Variants in LAMA5 observed in about 807,000 individuals in gnomAD.
LAMA5 encodes the protein laminin subunit alpha-5.
LAMA5 carries 260 observed loss-of-function variants against 433.4 expected under a neutral mutation model. The observed-to-expected ratio is 0.60, with a 90% CI of 0.54 to 0.66. The LOEUF (loss-of-function observed/expected upper bound fraction) is 0.66, where lower values mean the gene tolerates loss of function less well. Ranked by LOEUF, LAMA5 falls within the 30% of genes least tolerant of loss-of-function variation. The probability of loss-of-function intolerance (pLI) is 0.00; values close to 1 mark genes in which losing one functional copy is unlikely to be tolerated. For synonymous variants in LAMA5, 2,620 were observed against 2,226.6 expected (o/e 1.18, Z -4.97); for missense variants, 5,378 against 5,258.5 (o/e 1.02, Z -0.70).
chr20:62,346,413 A>G, intron 9 of LAMA5, 93 bp downstream of exon 9: 1 of 1,399,336 alleles, frequency 7.1e-7, no homozygotes, highest in Non-Finnish European at 9.7e-7. Flanking sequence ...GAAGCTCAGG[A>G]CATCCCCTCC....
In LAMA5 at chr20:62,353,249, G is replaced by A; in HGVS notation, c.453C>T (p.Val151=). 1 of 1,592,552 alleles carries A rather than the reference G, an allele frequency of 6.3e-7. No individual in the cohort carries two copies. Among genetic ancestry groups the A allele is most frequent in the East Asian group, 2.3e-5 (1 of 44,022 alleles). Residue 151 remains valine, a splice_region_variant and synonymous_variant, in exon 3 of 80, where the codon GTC becomes GTT. Coordinates refer to ENST00000252999, the MANE Select transcript of LAMA5 (RefSeq NM_005560.6). ...TGATGAGGACGTAGGCCACGTGGAA[G>A]ACCTGTGGGCCGAGAGGGCGTCAGG... ...EVNVTLDLGQ[V]FHVAYVLIKF... is the part of the protein sequence containing the mutation.
In LAMA5 at chr20:62,318,634, C is replaced by T. The variant is rs144109924; in HGVS notation, c.7059G>A (p.Gln2353=). The change falls in exon 53 of 80, where the codon CAG becomes CAA. Residue 2353 remains glutamine (Q), a synonymous_variant. Transcript: ENST00000252999. The stretch of plus-strand genomic sequence containing the variant: ...CCTCCCAGAGGCTGCTCAGCTGCTC[C>T]TGCACCCGGGCCAGCACTAGCCGAG... ...AAAQRLLARV[Q]EQLSSLWEEN... 7.0e-3 allele frequency: 11,321 copies of T among 1,610,452 alleles called. 45 individuals are homozygous for T. Among genetic ancestry groups the T allele is most frequent in the Non-Finnish European group, 8.5e-3 (10,034 of 1,178,948 alleles).
intron 3 of LAMA5, 179 bp downstream of exon 3, chr20:62,352,955 G>C: frequency 1.8e-6 from 1 of 542,322 alleles, no homozygotes; most frequent in South Asian, 2.5e-5. Flanking sequence ...CCCGACGCCA[G>C]GGACAGGAGC....
At chr20:62,318,702 G>T in intron 52 of LAMA5, 52 bp from the exon 53 acceptor site, 3 of 1,590,290 alleles carry the variant, frequency 1.9e-6, no homozygotes, top group Admixed American at 3.4e-5. Flanking sequence ...GCCCCTTCAT[G>T]ACCCCTGGTC....
intron 58 of LAMA5, 41 bp from the exon 59 acceptor site, chr20:62,315,248 G>A: frequency 6.5e-7 from 1 of 1,531,600 alleles, no homozygotes; most frequent in Non-Finnish European, 8.8e-7. Flanking sequence ...GGCCAGCGGG[G>A]ACCATCCTGG....
chr20:62,338,222 C>T lies in LAMA5; in HGVS notation c.1756+10G>A. 6.3e-7 allele frequency: 1 copy of T among 1,587,290 alleles called. No homozygotes were observed. Among genetic ancestry groups the T allele is most frequent in the Non-Finnish European group, 8.6e-7 (1 of 1,164,940 alleles). ...CCCTACCCACGCCCACGTGGAGAGG[C>T]ACCACTCACACTGGCAGAGAGGGAA... On this transcript the variant is annotated intron_variant, in intron 13 of 79. Coordinates refer to ENST00000252999, the MANE Select transcript of LAMA5 (RefSeq NM_005560.6).
chr20:62,317,379 G>C lies in LAMA5; in HGVS notation c.7477C>G (p.Gln2493Glu), dbSNP rs1987059726. ...RLVEAAEAHA[Q>E]QLGQLALNLS... The stretch of plus-strand genomic sequence containing the variant: ...TTGAGTGCCAGCTGGCCCAGCTGCT[G>C]TGCGTGGGCCTCGGCGGCCTCCACT... The change falls in exon 55 of 80, where the codon CAG (glutamine) becomes GAG (glutamate). Residue 2493 changes from glutamine to glutamate, a missense_variant. Transcript: ENST00000252999. The C allele has an allele frequency of 1.9e-6, 3 of 1,609,696 alleles. No individual in the cohort carries two copies. The African/African-American group carries it at 4.0e-5, about 21-fold the overall frequency.
In LAMA5 at chr20:62,338,021, C is replaced by T; in HGVS notation, c.1886G>A (p.Cys629Tyr). 1 of 1,596,598 alleles carries T rather than the reference C, an allele frequency of 6.3e-7. No individual in the cohort carries two copies. The highest frequency in any genetic ancestry group is 8.6e-7 in the Non-Finnish European group (1 of 1,169,470). ...TGCCCTGACCCTCTGCTCACCTTGG[C>T]AGTTGGGGAAACCATGGTAGCCAGG... ...CRPGYHGFPN[C>Y]QACTCDPRGA... is the part of the protein sequence containing the mutation. Residue 629 changes from cysteine (C) to tyrosine (Y), a missense_variant, in exon 14 of 80, where the codon TGC becomes TAC. Transcript: ENST00000252999.
chr20:62,334,462 G>GAT, intron 21 of LAMA5, 60 bp downstream of exon 21: 1 of 1,516,722 alleles, frequency 6.6e-7, no homozygotes. Flanking sequence ...GACACGGAGA[G>GAT]GCCCGGAGGA....
intron 1 of LAMA5, among the ~76,000 whole-genome samples, chr20:62,365,511 G>A (rs533567240): frequency 2.8e-3 from 424 of 152,324 alleles, no homozygotes; most frequent in Middle Eastern, 6.8e-3. Flanking sequence ...CTGTGGGGGG[G>A]TGGTCTGAGG....
chr20:62,355,343 G>A (rs1029869599), intron 2 of LAMA5: 1 of 152,384 alleles, frequency 6.6e-6, no homozygotes, highest in Non-Finnish European at 1.5e-5. Flanking sequence ...GGGAGAGTGG[G>A]GTCCCCCAGA....
rs1288275319 is a variant in LAMA5, at chr20:62,333,847, G to GTGGGGTGGGGTGGGT, written c.2878+53_2878+54insACCCACCCCACCCCA. 4.8e-6 allele frequency: 7 copies of GTGGGGTGGGGTGGGT among 1,471,656 alleles called. No homozygotes were observed. In the African/African-American group the frequency reaches 8.3e-5, roughly 18 times the overall value. The allele number at this position is 1,471,656 out of a possible 1,614,324, so 91.2% of individuals were successfully genotyped here. A position where few individuals can be genotyped will look rare whatever the true frequency, so the allele number is the denominator to read the frequency against. On this transcript the variant is annotated intron_variant, in intron 23 of 79. Transcript: ENST00000252999. ...TGGCGGGGCTTGGGAGTGGGGTGGG[G>GTGGGGTGGGGTGGGT]TGGGGTGGGCTGGGCTGGTGGGGCA... is the stretch of plus-strand genomic sequence containing the variant.
rs537300748 is a variant in LAMA5 at position 62,361,845 on chromosome 20, G to A, written c.450+555C>T. Among the ~76,000 whole-genome samples the A allele has an allele frequency of 1.1e-3, 167 of 152,338 alleles. 1 individual carries two copies. Among genetic ancestry groups the A allele is most frequent in the African/African-American group, 4.0e-3 (165 of 41,588 alleles). ...TGGGGGTTTCACTCTTCGCTTGGAGGCACCCAGCTGCAGCCTCCTGCTTGT... is the reference window on the plus strand; with the variant it reads ...TGGGGGTTTCACTCTTCGCTTGGAGACACCCAGCTGCAGCCTCCTGCTTGT... On this transcript the variant is annotated intron_variant, in intron 2 of 79. Coordinates refer to ENST00000252999, the MANE Select transcript of LAMA5 (RefSeq NM_005560.6).
Position 62,338,326 on chromosome 20 carries a change from G to C in LAMA5, c.1662C>G (p.Asp554Glu), listed in dbSNP as rs781592636. The C allele has an allele frequency of 1.9e-6, 3 of 1,608,296 alleles. No individual in the cohort carries two copies. The South Asian group carries it at 3.3e-5, about 18-fold the overall frequency. The change falls in exon 13 of 80, where the codon GAC becomes GAG. Residue 554 changes from aspartate (D) to glutamate (E), a missense_variant. Transcript: ENST00000252999. The part of the protein sequence containing the change: ...SSPGVADDRC[D>E]PDTGQCRCRV... ...GGCACCTGCACTGGCCTGTGTCAGG[G>C]TCACAGCGGTCATCGGCCACTCCAG...
Position 62,313,144 on chromosome 20 carries a change from C to T in LAMA5, c.8899G>A (p.Glu2967Lys), listed in dbSNP as rs138062157. 1.9e-6 allele frequency: 3 copies of T among 1,606,538 alleles called. No individual in the cohort carries two copies. The highest frequency in any genetic ancestry group is 2.5e-6 in the Non-Finnish European group (3 of 1,178,948). The change falls in exon 65 of 80, where the codon GAG becomes AAG. Residue 2967 changes from glutamate to lysine, a missense_variant. Glu to Lys is a moderately conservative substitution (Grantham distance 56). Coordinates refer to ENST00000252999, the MANE Select transcript of LAMA5 (RefSeq NM_005560.6). Reference sequence around the variant, plus strand: ...TAGGACACGAGCCGCAGCTCCTGCTCGAAGCGCTTGGTGGTGCTGATCTGA... The same window carrying T: ...TAGGACACGAGCCGCAGCTCCTGCTTGAAGCGCTTGGTGGTGCTGATCTGA... Reference protein sequence around the residue: ...DSQISTTKRFEQELRLVSYSG... With the variant: ...DSQISTTKRFKQELRLVSYSG...
chr20:62,320,440 G>A (rs559066182), intron 50 of LAMA5, 119 bp downstream of exon 50: 161 of 714,280 alleles, frequency 2.3e-4, no homozygotes, highest in African/African-American at 2.0e-3. Flanking sequence ...TCGAGCTCCT[G>A]TCCCCTGCAC....
At chr20:62,326,266 T>G (rs1257862390) in intron 40 of LAMA5, among the ~76,000 whole-genome samples, 2 of 149,096 alleles carry the variant, frequency 1.3e-5, no homozygotes, top group East Asian at 3.9e-4. Context: ...CCAGATGAGC[T>G]GTGAGAGGGG....
At chr20:62,330,701 C>G (rs1980204811) in intron 30 of LAMA5, 42 bp downstream of exon 30, 1 of 1,556,402 alleles carries the variant, frequency 6.4e-7, no homozygotes, top group Non-Finnish European at 8.7e-7. Flanking sequence ...ACCCGGAGTC[C>G]TGCCCTGACA....
chr20:62,328,304 C>T lies in LAMA5; in HGVS notation c.4589G>A (p.Cys1530Tyr). Residue 1530 changes from cysteine to tyrosine, a missense_variant, in exon 35 of 80, where the codon TGC becomes TAC. Physicochemically the swap from Cys to Tyr is radical, Grantham distance 194. Coordinates refer to ENST00000252999, the MANE Select transcript of LAMA5 (RefSeq NM_005560.6). ...GAGCTCCTGGATGCCGGGCCCTGAG[C>T]AGTTACACTCCTCACAGCCGACCAG... is the stretch of plus-strand genomic sequence containing the variant. ...HPLVGCEECN[C>Y]SGPGIQELTD... 1 of 1,607,152 alleles carries T rather than the reference C, an allele frequency of 6.2e-7. No individual in the cohort carries two copies. The highest frequency in any genetic ancestry group is 8.5e-7 in the Non-Finnish European group (1 of 1,177,606).
Sources: gnomAD v4.1 joint callset for allele counts (sites outside exome capture counted in the v4.1 genomes callset) on GRCh38, gnomAD v4.1.1 for gene constraint, MANE v1.5 for transcripts, NCBI Gene and HGNC (gene_info 2026-07-23, HGNC 2026-07-21) for gene names.